EPHA6: variants seen among roughly 807,000 people sequenced by gnomAD.
The protein encoded by EPHA6 is EPH receptor A6, also known as ephrin type-A receptor 6.
In EPHA6, 50 loss-of-function variants were observed where a neutral mutation model predicts 112.0. The observed-to-expected ratio is 0.45, with a 90% confidence interval of 0.36 to 0.56. EPHA6 has a LOEUF of 0.56. EPHA6 is among the 20% of genes least tolerant of loss of function. EPHA6 has a pLI of 0.00. For synonymous variants in EPHA6, 529 were observed against 490.7 expected, an observed-to-expected ratio of 1.08 and a Z score of -1.03; for missense variants, 1,280 against 1,417.4, an observed-to-expected ratio of 0.90 and a Z score of 1.56.
intron 3 of EPHA6, among the ~76,000 whole-genome samples, chr3:97,131,297 G>C (rs1016946352): frequency 6.6e-6 from 1 of 152,086 alleles, no homozygotes; most frequent in Non-Finnish European, 1.5e-5. Context: ...TAAATGGATA[G>C]ATGATAGAAG....
intron 3 of EPHA6, among the ~76,000 whole-genome samples, chr3:97,156,264 G>T (rs2076287116): frequency 6.6e-6 from 1 of 152,214 alleles, no homozygotes; most frequent in South Asian, 2.1e-4. Flanking sequence ...CAGAATGCAG[G>T]AAGGAAAGGG....
intron 16 of EPHA6, 44 bp downstream of exon 16, chr3:97,736,162 G>A: frequency 6.6e-7 from 1 of 1,517,126 alleles, no homozygotes. Context: ...GACAATTATG[G>A]TTTCTTTCAG....
chr3:97,382,495 T>A (rs572384704), intron 5 of EPHA6, among the ~76,000 whole-genome samples: 1 of 152,188 alleles, frequency 6.6e-6, no homozygotes, highest in Admixed American at 6.5e-5. Context: ...TTAAGGAATT[T>A]TTGAAGATCA....
intron 5 of EPHA6, among the ~76,000 whole-genome samples, chr3:97,319,662 T>C (rs1576944553): frequency 7.1e-6 from 1 of 140,970 alleles, no homozygotes. Context: ...AGAGCGAGAT[T>C]GTCTCAAAAA....
intron 11 of EPHA6, among the ~76,000 whole-genome samples, chr3:97,533,167 G>GA (rs1162698939): frequency 6.6e-6 from 1 of 151,802 alleles, no homozygotes; most frequent in Non-Finnish European, 1.5e-5. Flanking sequence ...ACTTTCATTT[G>GA]AAAAATGATA....
intron 5 of EPHA6, among the ~76,000 whole-genome samples, chr3:97,360,883 A>G (rs559600121): frequency 4.4e-4 from 67 of 152,298 alleles, no homozygotes; most frequent in African/African-American, 1.3e-3. Context: ...CATGCATTCT[A>G]TGACTACTCA....
intron 1 of EPHA6, among the ~76,000 whole-genome samples, chr3:96,852,333 G>T (rs776714016): frequency 6.6e-6 from 1 of 151,904 alleles, no homozygotes; most frequent in Admixed American, 6.6e-5. Flanking sequence ...AGAGGCTGAG[G>T]CATGAGAATA....
chr3:97,086,724 T>A (rs1474874589), intron 3 of EPHA6, among the ~76,000 whole-genome samples: 1 of 152,136 alleles, frequency 6.6e-6, no homozygotes, highest in African/African-American at 2.4e-5. Context: ...TTACATAACA[T>A]TTATTGAATA....
chr3:97,419,446 G>T (rs2088425482), intron 6 of EPHA6, among the ~76,000 whole-genome samples: 1 of 151,902 alleles, frequency 6.6e-6, no homozygotes, highest in African/African-American at 2.4e-5. Flanking sequence ...CAACATAGTG[G>T]AAACCCCTTC....
intron 3 of EPHA6, among the ~76,000 whole-genome samples, chr3:97,107,671 A>G (rs180868577): frequency 6.6e-6 from 1 of 152,230 alleles, no homozygotes; most frequent in African/African-American, 2.4e-5. Flanking sequence ...TTTGTAATGT[A>G]CATCTCCAAT....
intron 5 of EPHA6, among the ~76,000 whole-genome samples, chr3:97,346,281 C>T (rs932136352): frequency 2.0e-5 from 3 of 152,106 alleles, no homozygotes; most frequent in Admixed American, 6.6e-5. Context: ...TCAAGAGAGG[C>T]ATTAGCACTG....
chr3:97,292,374 T>C (rs9871981), intron 5 of EPHA6, among the ~76,000 whole-genome samples: 34,279 of 152,234 alleles, frequency 0.23, 9,062 homozygotes, highest in African/African-American at 0.63. Flanking sequence ...CTTTCCGTCC[T>C]GCCATTTTGC....
intron 3 of EPHA6, among the ~76,000 whole-genome samples, chr3:97,012,018 C>G (rs2044103267): frequency 6.6e-6 from 1 of 152,134 alleles, no homozygotes; most frequent in African/African-American, 2.4e-5. Flanking sequence ...CATAGTACTC[C>G]ATGGTACATA....
intron 5 of EPHA6, among the ~76,000 whole-genome samples, chr3:97,294,235 C>T (rs1173456914): frequency 6.6e-6 from 1 of 152,222 alleles, no homozygotes. Context: ...TCAGCCCCCA[C>T]TGAATCCACA....
At chr3:96,915,255 G>A (rs2039427856) in intron 2 of EPHA6, among the ~76,000 whole-genome samples, 1 of 151,928 alleles carries the variant, frequency 6.6e-6, no homozygotes, top group Non-Finnish European at 1.5e-5. Flanking sequence ...CTTAAGTTGT[G>A]CATTTCTTTA....
chr3:97,492,516 T>G (rs2091869005), intron 10 of EPHA6, among the ~76,000 whole-genome samples: 2 of 113,644 alleles, frequency 1.8e-5, no homozygotes, highest in African/African-American at 3.3e-5. Context: ...CACTCCATCC[T>G]GGGTGACAGA....
At chr3:97,406,487 A>G (rs2087354642) in intron 6 of EPHA6, among the ~76,000 whole-genome samples, 1 of 152,146 alleles carries the variant, frequency 6.6e-6, no homozygotes, top group Non-Finnish European at 1.5e-5. Flanking sequence ...AAATGAAGCC[A>G]TAGTCTTCAT....
At position 97,192,135 on chromosome 3, in the gene EPHA6, T is replaced by G. The variant is rs960285088; in HGVS notation, c.1115-34129T>G. 4.6e-5 allele frequency among the ~76,000 whole-genome samples: 7 copies of G among 152,060 alleles called. No individual in the cohort carries two copies. The East Asian group carries it at 1.4e-3, about 29-fold the overall frequency. On this transcript the variant is annotated intron_variant, in intron 3 of 17. Transcript: ENST00000389672. The stretch of plus-strand genomic sequence containing the variant: ...ATTTGCCACTCTATGGGTTTTTTTG[T>G]TTTTTATTTTGTTTTGTTTTTGACT...
intron 6 of EPHA6, among the ~76,000 whole-genome samples, chr3:97,446,648 T>C (rs1416873159): frequency 6.6e-6 from 1 of 152,142 alleles, no homozygotes; most frequent in Admixed American, 6.6e-5. Flanking sequence ...ACCATAACTC[T>C]TACGTTGTAG....
Sources: allele counts gnomAD v4.1 joint callset (sites outside exome capture counted in the v4.1 genomes callset), GRCh38; gene constraint gnomAD v4.1.1; transcripts MANE v1.5; gene names NCBI Gene and HGNC (gene_info 2026-07-23, HGNC 2026-07-21).